Variants in NPTN observed in about 807,000 individuals in gnomAD.
The protein encoded by NPTN is SDR-1.
Under a neutral mutation model 42.7 loss-of-function variants are expected in NPTN, and 5 were observed. The observed-to-expected ratio is 0.12, with a 90% confidence interval of 0.06 to 0.25. The LOEUF is 0.25. Among genes scored for constraint, NPTN ranks in the 10% least tolerant of loss-of-function variants. The probability of loss-of-function intolerance (pLI) is 1.00; values close to 1 mark genes in which losing one functional copy is unlikely to be tolerated. For synonymous variants in NPTN, 180 were observed against 201.9 expected (o/e 0.89, Z 0.92); for missense variants, 307 against 525.4 (o/e 0.58, Z 4.06).
intron 1 of NPTN, among the ~76,000 whole-genome samples, chr15:73,605,171 A>T (rs975104171): frequency 4.0e-5 from 6 of 151,566 alleles, no homozygotes; most frequent in South Asian, 2.1e-4. Flanking sequence ...AGCAGTGTGG[A>T]AGAAACTGGG....
intron 4 of NPTN, among the ~76,000 whole-genome samples, chr15:73,576,221 A>G (rs1457055313): frequency 2.6e-5 from 4 of 152,240 alleles, no homozygotes; most frequent in Non-Finnish European, 5.9e-5. Context: ...TACACACCAG[A>G]TATGTCAGAC....
intron 1 of NPTN, among the ~76,000 whole-genome samples, chr15:73,598,484 A>C (rs1338971078): frequency 1.3e-5 from 2 of 152,106 alleles, no homozygotes; most frequent in Non-Finnish European, 2.9e-5. Context: ...AAAAAAAAAA[A>C]AATCCAGGCT....
At position 73,560,091 on chromosome 15, in the gene NPTN, A is replaced by AAAAC. The variant is rs1894570711; in HGVS notation, c.*968_*971dup. The AAAAC allele has an allele frequency of 1.8e-6, 1 of 540,914 alleles. No individual in the cohort carries two copies. The highest frequency in any genetic ancestry group is 4.1e-5 in the Admixed American group (1 of 24,450). The allele number at this position is 540,914 out of a possible 1,614,324, so 33.5% of individuals were successfully genotyped here. ...CATCATTGCACTTCAATAATTACACAAAACACACAAGTACATGCATCTACA... is the reference window on the plus strand; with the variant it reads ...CATCATTGCACTTCAATAATTACACAAAACAAACACACAAGTACATGCATCTACA... On this transcript the variant is annotated 3_prime_UTR_variant, in exon 9 of 9. Transcript: ENST00000345330.
rs374453173 is a variant in NPTN at position 73,618,506 on chromosome 15, T to C, written c.91+14619A>G. Among the ~76,000 whole-genome samples the C allele has an allele frequency of 2.4e-4, 36 of 152,198 alleles. 1 individual carries two copies. The East Asian group carries it at 6.8e-3, about 29-fold the overall frequency. On this transcript the variant is annotated intron_variant, in intron 1 of 8. Transcript: ENST00000345330. ...ATGTTTATCTAGAAACAACTGAAGA[T>C]ACCAGAAGAAACAGGATCAAGAAAG...
chr15:73,582,905 G>A lies in NPTN; in HGVS notation c.706+4619C>T, dbSNP rs1896124018. The stretch of plus-strand genomic sequence containing the variant: ...TGGATGCTTCCTGCCCTCAAACATC[G>A]GACTCCAAGTTCTTCAGTTTTGAGA... On this transcript the variant is annotated intron_variant, in intron 4 of 8. Coordinates refer to ENST00000345330, the MANE Select transcript of NPTN (RefSeq NM_012428.4). Among the ~76,000 whole-genome samples the A allele has an allele frequency of 1.3e-5, 2 of 152,182 alleles. 1 individual carries two copies. The highest frequency in any genetic ancestry group is 4.1e-4 in the South Asian group (2 of 4,820).
intron 2 of NPTN, among the ~76,000 whole-genome samples, chr15:73,593,560 A>G (rs778180759): frequency 1.3e-5 from 2 of 152,162 alleles, no homozygotes; most frequent in Admixed American, 1.3e-4. Context: ...CTCTCCCTCC[A>G]TGGGAACTAA....
chr15:73,563,238 T>C lies in NPTN; in HGVS notation c.1134A>G (p.Pro378=), dbSNP rs1894789619. 6.3e-7 allele frequency: 1 copy of C among 1,591,456 alleles called. No homozygotes were observed. Among genetic ancestry groups the C allele is most frequent in the South Asian group, 1.1e-5 (1 of 90,522 alleles). Residue 378 remains proline (P), a splice_region_variant and synonymous_variant, in exon 7 of 9, where the codon CCA becomes CCG. Coordinates refer to ENST00000345330, the MANE Select transcript of NPTN (RefSeq NM_012428.4). The stretch of plus-strand genomic sequence containing the variant: ...TCAATGTCCAATAAAGTACTTACAT[T>C]GGTCCAGCTGGTTCATCATCTACAT... ...EVPDDDEPAG[P]MKTNSTNNHK... is the part of the protein sequence containing the mutation.
At chr15:73,578,757 G>T (rs982980620) in intron 4 of NPTN, among the ~76,000 whole-genome samples, 4 of 152,148 alleles carry the variant, frequency 2.6e-5, no homozygotes, top group East Asian at 3.9e-4. Flanking sequence ...ACTTTGGGAG[G>T]CCGAGGTGGG....
At position 73,592,085 on chromosome 15, in the gene NPTN, G is replaced by A. The variant is rs1896616227; in HGVS notation, c.492C>T (p.Leu164=). 6.2e-7 allele frequency: 1 copy of A among 1,613,934 alleles called. No homozygotes were observed. Among genetic ancestry groups the A allele is most frequent in the African/African-American group, 1.3e-5 (1 of 74,902 alleles). The part of the protein sequence containing the change: ...EEVIIRDSPV[L]PVTLQCNLTS... ...TGAGGTTACACTGCAGGGTGACAGG[G>A]AGAACAGGGCTGTCTCGAATAATGA... is the stretch of plus-strand genomic sequence containing the variant. The change falls in exon 3 of 9, where the codon CTC becomes CTT. Residue 164 remains leucine (L), a synonymous_variant. Coordinates refer to ENST00000345330, the MANE Select transcript of NPTN (RefSeq NM_012428.4).
At chr15:73,612,283 G>C (rs1415159711) in intron 1 of NPTN, among the ~76,000 whole-genome samples, 5 of 152,016 alleles carry the variant, frequency 3.3e-5, no homozygotes, top group Admixed American at 3.3e-4. Context: ...AGCCAGGCAT[G>C]GTGGTATGTA....
intron 6 of NPTN, among the ~76,000 whole-genome samples, chr15:73,566,520 G>A (rs1272618102): frequency 1.3e-5 from 2 of 152,148 alleles, no homozygotes; most frequent in Non-Finnish European, 2.9e-5. Flanking sequence ...CTGTCTGTGA[G>A]GTCACTAAAA....
rs2141470831 is a variant in NPTN at position 73,621,847 on chromosome 15, C to T, written c.91+11278G>A. On this transcript the variant is annotated intron_variant, in intron 1 of 8. Transcript: ENST00000345330. The stretch of plus-strand genomic sequence containing the variant: ...ATGTTTCATGTTCCTTAATATCATT[C>T]TCCCTGGAACCTATTCCACTGTTCG... Among the ~76,000 whole-genome samples the T allele has an allele frequency of 1.3e-5, 2 of 152,196 alleles. 1 individual carries two copies. The highest frequency in any genetic ancestry group is 3.9e-4 in the East Asian group (2 of 5,186).
Position 73,591,948 on chromosome 15 carries a change from G to A in NPTN, c.611+18C>T, listed in dbSNP as rs201629236. 6.3e-7 allele frequency: 1 copy of A among 1,597,022 alleles called. No homozygotes were observed. On this transcript the variant is annotated intron_variant, in intron 3 of 8. Transcript: ENST00000345330. Reference sequence around the variant, plus strand: ...CACACTCCCTCCCACCTTCCCAGGAGCTGCCCACCACTCTCACCTGTACTC... The same window carrying A: ...CACACTCCCTCCCACCTTCCCAGGAACTGCCCACCACTCTCACCTGTACTC...
Position 73,560,066 on chromosome 15 carries a change from C to CATCA in NPTN, c.*993_*996dup, listed in dbSNP as rs1894569157. 1 of 613,928 alleles carries CATCA rather than the reference C, an allele frequency of 1.6e-6. No individual in the cohort carries two copies. Among genetic ancestry groups the CATCA allele is most frequent in the Admixed American group, 4.0e-5 (1 of 25,084 alleles). 38.0% of individuals were successfully genotyped at this position (613,928 alleles called of 1,614,324 possible). On this transcript the variant is annotated 3_prime_UTR_variant, in exon 9 of 9. Transcript: ENST00000345330. Reference sequence around the variant, plus strand: ...AAACAGGTGAATCCACTTTTTTATACATCATTGCACTTCAATAATTACACA... The same window carrying CATCA: ...AAACAGGTGAATCCACTTTTTTATACATCAATCATTGCACTTCAATAATTACACA...
At chr15:73,561,625 A>G (rs1894672871) in intron 8 of NPTN, among the ~76,000 whole-genome samples, 1 of 151,888 alleles carries the variant, frequency 6.6e-6, no homozygotes, top group Non-Finnish European at 1.5e-5. Context: ...GGTTGCAGTG[A>G]GCCGAGATCA....
At chr15:73,606,421 G>C (rs1897298872) in intron 1 of NPTN, among the ~76,000 whole-genome samples, 1 of 152,152 alleles carries the variant, frequency 6.6e-6, no homozygotes, top group African/African-American at 2.4e-5. Flanking sequence ...TGGTCCCTAA[G>C]AGAAAAAGCT....
Position 73,597,460 on chromosome 15 carries a change from AAAG to A in NPTN, c.92-94_92-92del. The A allele has an allele frequency of 9.7e-7, 1 of 1,034,274 alleles. No homozygotes were observed. The highest frequency in any genetic ancestry group is 1.4e-6 in the Non-Finnish European group (1 of 718,322). The allele number at this position is 1,034,274 out of a possible 1,614,324, so 64.1% of individuals were successfully genotyped here. A position where few individuals can be genotyped will look rare whatever the true frequency, so the allele number is the denominator to read the frequency against. On this transcript the variant is annotated intron_variant, in intron 1 of 8. Transcript: ENST00000345330. The surrounding 1 kb of genome is among the most constrained non-coding windows in gnomAD (Gnocchi z 6.3). ...TGTTAATAGTAATTTAAAGAAAAGA[AAAG>A]AAAAAAGCAAATGAGTTGCAAAGAA...
chr15:73,575,546 C>T (rs192986660), intron 4 of NPTN, among the ~76,000 whole-genome samples: 2 of 152,246 alleles, frequency 1.3e-5, no homozygotes, highest in African/African-American at 4.8e-5. Flanking sequence ...TTATTCTGGG[C>T]TTTGCTGCTA....
At chr15:73,622,841 GTAAA>G (rs1566991230) in intron 1 of NPTN, among the ~76,000 whole-genome samples, 2 of 152,250 alleles carry the variant, frequency 1.3e-5, no homozygotes, top group African/African-American at 4.8e-5. Flanking sequence ...GCCATATTAC[GTAAA>G]TAAAAATTCT....
Sources: gnomAD v4.1 joint callset for allele counts (sites outside exome capture counted in the v4.1 genomes callset) on GRCh38, gnomAD v4.1.1 for gene constraint, Gnocchi (gnomAD v3.1) non-coding constraint, MANE v1.5 for transcripts, NCBI Gene and HGNC (gene_info 2026-07-23, HGNC 2026-07-21) for gene names.